LRFN4: variants seen among roughly 807,000 people sequenced by gnomAD.
LRFN4 encodes the protein leucine-rich repeat and fibronectin type-III domain-containing protein 4.
LRFN4 carries 10 observed loss-of-function variants against 29.0 expected under a neutral mutation model. The ratio of observed to expected loss-of-function variants is 0.35; its 90% CI spans 0.21 to 0.59. The LOEUF (loss-of-function observed/expected upper bound fraction) is 0.59, where lower values mean the gene tolerates loss of function less well. Among genes scored for constraint, LRFN4 ranks in the 20% least tolerant of loss-of-function variants. The probability of loss-of-function intolerance (pLI) is 0.82; values close to 1 mark genes in which losing one functional copy is unlikely to be tolerated. For synonymous variants in LRFN4, 493 were observed against 437.0 expected, an observed-to-expected ratio of 1.13 and a Z score of -1.60; for missense variants, 850 against 907.9, an observed-to-expected ratio of 0.94 and a Z score of 0.82.
chr11:66,860,378 G>T lies in LRFN4; in HGVS notation c.*183G>T, dbSNP rs748607301. ...GGCCTCCAGACCAGGGTAAGGGCAG[G>T]CCCCTCCAACAGGTGCTCACAGCCA... is the stretch of plus-strand genomic sequence containing the variant. On this transcript the variant is annotated 3_prime_UTR_variant, in exon 2 of 2. Coordinates refer to ENST00000309602, the MANE Select transcript of LRFN4 (RefSeq NM_024036.5). The T allele has an allele frequency of 4.5e-6, 4 of 894,542 alleles. No homozygotes were observed. Among genetic ancestry groups the T allele is most frequent in the Admixed American group, 2.0e-5 (1 of 50,160 alleles). 55.4% of individuals were successfully genotyped at this position (894,542 alleles called of 1,614,324 possible). A position where few individuals can be genotyped will look rare whatever the true frequency, so the allele number is the denominator to read the frequency against.
chr11:66,859,417 C>T (rs1946101790), intron 1 of LRFN4, among the ~76,000 whole-genome samples: 1 of 152,200 alleles, frequency 6.6e-6, no homozygotes, highest in South Asian at 2.1e-4. Flanking sequence ...TCTGCTGGTG[C>T]CATCCCCCCA....
In LRFN4 at chr11:66,857,132, C is replaced by T. The variant is rs958802546; in HGVS notation, c.-613C>T. ...CGCGCCGGGAAAAGGTGCCGGGAAC[C>T]GAGCGAGCCGGGGCCGCGGGCCCGA... On this transcript the variant is annotated 5_prime_UTR_variant, in exon 1 of 2. Transcript: ENST00000309602. The surrounding 1 kb of genome is among the most constrained non-coding windows in gnomAD (Gnocchi z 7.1). The T allele has an allele frequency of 1.4e-5, 2 of 148,048 alleles. No homozygotes were observed. The highest frequency in any genetic ancestry group is 1.3e-4 in the Admixed American group (2 of 14,900). 9.2% of individuals were successfully genotyped at this position (148,048 alleles called of 1,614,324 possible). A position where few individuals can be genotyped will look rare whatever the true frequency, so the allele number is the denominator to read the frequency against.
At position 66,859,091 on chromosome 11, in the gene LRFN4, C is replaced by A; in HGVS notation, c.1347C>A (p.Tyr449Ter). The A allele has an allele frequency of 1.3e-6, 2 of 1,486,610 alleles. No homozygotes were observed. Among genetic ancestry groups the A allele is most frequent in the South Asian group, 1.4e-5 (1 of 70,824 alleles). The allele number at this position is 1,486,610 out of a possible 1,614,324, so 92.1% of individuals were successfully genotyped here. ...YNSSEDETLI[Y>*]RIVPASSHHF... is the part of the protein sequence containing the mutation. The stretch of plus-strand genomic sequence containing the variant: ...GCAGCGAAGATGAGACCCTCATCTA[C>A]CGGTGAGGATGCGTGCCCCACACCC... The change falls in exon 1 of 2, where the codon TAC (tyrosine) becomes TAA (stop). Residue 449 changes from tyrosine (Y) to a stop codon, truncating the protein, a stop_gained and splice_region_variant. Transcript: ENST00000309602. LOFTEE classifies it high-confidence loss of function.
rs752420546 is a variant in LRFN4 at position 66,858,670 on chromosome 11, C to T, written c.926C>T (p.Ala309Val). The change falls in exon 1 of 2, where the codon GCG becomes GTG. Residue 309 changes from alanine (A) to valine (V), a missense_variant. Ala to Val is a moderately conservative substitution (Grantham distance 64). This residue lies in a region of LRFN4 where 744 missense variants were observed against 753.8 expected (regional missense o/e 0.99). Coordinates refer to ENST00000309602, the MANE Select transcript of LRFN4 (RefSeq NM_024036.5). The surrounding 1 kb of genome is among the most constrained non-coding windows in gnomAD (Gnocchi z 5.9). ...CGGTGCCGGGCCCTGGGTGACCCCG[C>T]GCCTACCATGCACTGGGTCGGTCCT... ...TLRCRALGDPAPTMHWVGPDD... is the reference protein window; with the variant it reads ...TLRCRALGDPVPTMHWVGPDD... 3.2e-6 allele frequency: 5 copies of T among 1,545,068 alleles called. No individual in the cohort carries two copies. The South Asian group carries it at 3.6e-5, about 11-fold the overall frequency.
rs755678453 is a variant in LRFN4, at chr11:66,857,831, G to A, written c.87G>A (p.Ser29=). ...GCGTCTGCCAGAACCTGTCCGAGTC[G>A]CTCAGCACCCTCTGTGCCCACCGAG... ...LPCVCQNLSE[S]LSTLCAHRGL... is the part of the protein sequence containing the mutation. Residue 29 remains serine, a synonymous_variant, in exon 1 of 2, where the codon TCG becomes TCA. Coordinates refer to ENST00000309602, the MANE Select transcript of LRFN4 (RefSeq NM_024036.5). This position sits in a 1 kb window ranked among gnomAD's most constrained non-coding sequence, Gnocchi z 7.1. 2 of 1,605,214 alleles carry A rather than the reference G, an allele frequency of 1.2e-6. No homozygotes were observed. Among genetic ancestry groups the A allele is most frequent in the Middle Eastern group, 1.7e-4 (1 of 6,060 alleles).
chr11:66,858,550 G>A lies in LRFN4; in HGVS notation c.806G>A (p.Trp269Ter). 1 of 1,533,774 alleles carries A rather than the reference G, an allele frequency of 6.5e-7. No individual in the cohort carries two copies. The highest frequency in any genetic ancestry group is 8.7e-7 in the Non-Finnish European group (1 of 1,145,048). The change falls in exon 1 of 2, where the codon TGG becomes TAG. Residue 269 changes from tryptophan (W) to a stop codon, truncating the protein, a stop_gained. Transcript: ENST00000309602. LOFTEE classifies it high-confidence loss of function. This position sits in a 1 kb window ranked among gnomAD's most constrained non-coding sequence, Gnocchi z 5.9. ...SPPGLAGRYFWAVPEGEFSCE... is the reference protein window; with the variant it reads ...SPPGLAGRYF ...CCCGGCCTGGCCGGCCGCTACTTCT[G>A]GGCAGTGCCCGAGGGCGAGTTCTCC...
chr11:66,858,421 C>G lies in LRFN4; in HGVS notation c.677C>G (p.Pro226Arg). The change falls in exon 1 of 2, where the codon CCC becomes CGC. Residue 226 changes from proline (P) to arginine (R), a missense_variant. By Grantham distance (103) the Pro-to-Arg change is moderately radical. Transcript: ENST00000309602. The surrounding 1 kb of genome is among the most constrained non-coding windows in gnomAD (Gnocchi z 5.9). ...RGRDAEASPAPLVLSFSGNPL... is the reference protein window; with the variant it reads ...RGRDAEASPARLVLSFSGNPL... Reference sequence around the variant, plus strand: ...CGTGATGCAGAGGCCTCTCCCGCCCCCCTGGTGCTGAGCTTTAGCGGGAAC... The same window carrying G: ...CGTGATGCAGAGGCCTCTCCCGCCCGCCTGGTGCTGAGCTTTAGCGGGAAC... 22 of 1,555,352 alleles carry G rather than the reference C, an allele frequency of 1.4e-5. No homozygotes were observed. Among genetic ancestry groups the G allele is most frequent in the Non-Finnish European group, 1.8e-5 (21 of 1,156,472 alleles).
chr11:66,859,173 AC>A (rs1007082432), intron 1 of LRFN4, 80 bp downstream of exon 1: 1 of 1,410,814 alleles, frequency 7.1e-7, no homozygotes, highest in African/African-American at 1.5e-5. Flanking sequence ...CTTTGCTTCC[AC>A]CCCTCCTCTC....
Position 66,860,212 on chromosome 11 carries a change from T to C in LRFN4, c.*17T>C, listed in dbSNP as rs1025184800. On this transcript the variant is annotated 3_prime_UTR_variant, in exon 2 of 2. Transcript: ENST00000309602. ...GTGGTGTGATGGACGGGCAGCTTCC[T>C]GTGTGCTCCAAGGGATGAGCCTCGT... 4 of 1,541,452 alleles carry C rather than the reference T, an allele frequency of 2.6e-6. No homozygotes were observed. Among genetic ancestry groups the C allele is most frequent in the African/African-American group, 1.4e-5 (1 of 73,190 alleles).
At position 66,858,800 on chromosome 11, in the gene LRFN4, C is replaced by T. The variant is rs765027667; in HGVS notation, c.1056C>T (p.Ile352=). Residue 352 remains isoleucine, a synonymous_variant, in exon 1 of 2, where the codon ATC becomes ATT. Transcript: ENST00000309602. This position sits in a 1 kb window ranked among gnomAD's most constrained non-coding sequence, Gnocchi z 5.9. The part of the protein sequence containing the change: ...GAGDAGGYTC[I]ATNPAGEATA... Reference sequence around the variant, plus strand: ...GGGACGCTGGGGGCTACACCTGCATCGCCACCAACCCTGCTGGTGAGGCCA... The same window carrying T: ...GGGACGCTGGGGGCTACACCTGCATTGCCACCAACCCTGCTGGTGAGGCCA... The T allele has an allele frequency of 9.0e-6, 14 of 1,549,250 alleles. No individual in the cohort carries two copies. The highest frequency in any genetic ancestry group is 3.3e-4 in the Middle Eastern group (2 of 6,002).
At chr11:66,859,488 C>A in intron 1 of LRFN4, 149 bp from the exon 2 acceptor site, 1 of 1,452,712 alleles carries the variant, frequency 6.9e-7, no homozygotes, top group Non-Finnish European at 9.1e-7. Context: ...CCTGGCCACA[C>A]TCTCCAGCCT....
Position 66,858,480 on chromosome 11 carries a change from C to T in LRFN4, c.736C>T (p.Arg246Trp), listed in dbSNP as rs1368244640. The change falls in exon 1 of 2, where the codon CGG becomes TGG. Residue 246 changes from arginine (R) to tryptophan (W), a missense_variant. Around this residue, in one of 2 missense-constraint regions of LRFN4, gnomAD observed 744 missense variants for 753.8 expected, o/e 0.99. Transcript: ENST00000309602. The surrounding 1 kb of genome is among the most constrained non-coding windows in gnomAD (Gnocchi z 5.9). ...LHCNCELLWL[R>W]RLARPDDLET... Reference sequence around the variant, plus strand: ...CTGCAACTGTGAGCTGCTGTGGCTGCGGCGGCTGGCGCGGCCGGACGACCT... The same window carrying T: ...CTGCAACTGTGAGCTGCTGTGGCTGTGGCGGCTGGCGCGGCCGGACGACCT... 5 of 1,541,956 alleles carry T rather than the reference C, an allele frequency of 3.2e-6. No individual in the cohort carries two copies. The highest frequency in any genetic ancestry group is 8.7e-7 in the Non-Finnish European group (1 of 1,150,262).
Position 66,859,406 on chromosome 11 carries a change from C to T in LRFN4, c.1350-231C>T, listed in dbSNP as rs1946101081. On this transcript the variant is annotated intron_variant, in intron 1 of 1. Transcript: ENST00000309602. ...GCCCGCGCCCGCGTGTTATTTCTGC[C>T]TCTGCTGGTGCCATCCCCCCACCCC... 2.6e-5 allele frequency among the ~76,000 whole-genome samples: 4 copies of T among 152,328 alleles called. No individual in the cohort carries two copies. In the South Asian group the frequency reaches 8.3e-4, roughly 32 times the overall value.
chr11:66,859,208 G>C, intron 1 of LRFN4, 115 bp downstream of exon 1: 1 of 1,293,900 alleles, frequency 7.7e-7, no homozygotes, highest in Non-Finnish European at 1.0e-6. Flanking sequence ...CCCCCTCCCC[G>C]ACCATGGCTG....
rs199739517 is a variant in LRFN4, at chr11:66,858,767, C to T, written c.1023C>T (p.Thr341=). ...ACGGGACCTTAGAGATTGGGGTGACCGGCGCTGGGGACGCTGGGGGCTACA... is the reference window on the plus strand; with the variant it reads ...ACGGGACCTTAGAGATTGGGGTGACTGGCGCTGGGGACGCTGGGGGCTACA... ...FPNGTLEIGV[T]GAGDAGGYTC... is the part of the protein sequence containing the mutation. Residue 341 remains threonine (T), a synonymous_variant, in exon 1 of 2, where the codon ACC becomes ACT. Transcript: ENST00000309602. The surrounding 1 kb of genome is among the most constrained non-coding windows in gnomAD (Gnocchi z 5.9). 2.6e-5 allele frequency: 40 copies of T among 1,551,226 alleles called. No individual in the cohort carries two copies. Among genetic ancestry groups the T allele is most frequent in the African/African-American group, 2.2e-4 (16 of 73,368 alleles).
intron 1 of LRFN4, 150 bp from the exon 2 acceptor site, chr11:66,859,487 A>G (rs1565227736): frequency 3.5e-6 from 5 of 1,446,098 alleles, no homozygotes; most frequent in East Asian, 4.8e-5. Flanking sequence ...TCCTGGCCAC[A>G]CTCTCCAGCC....
In LRFN4 at chr11:66,857,836, G is replaced by A; in HGVS notation, c.92G>A (p.Ser31Asn). ...CVCQNLSESLSTLCAHRGLLF... is the reference protein window; with the variant it reads ...CVCQNLSESLNTLCAHRGLLF... ...TGCCAGAACCTGTCCGAGTCGCTCA[G>A]CACCCTCTGTGCCCACCGAGGCCTG... The change falls in exon 1 of 2, where the codon AGC (serine) becomes AAC (asparagine). Residue 31 changes from serine (S) to asparagine (N), a missense_variant. By Grantham distance (46) the Ser-to-Asn change is conservative (BLOSUM62 1). This residue lies in a region of LRFN4 where 106 missense variants were observed against 154.2 expected (regional missense o/e 0.69). Coordinates refer to ENST00000309602, the MANE Select transcript of LRFN4 (RefSeq NM_024036.5). This position sits in a 1 kb window ranked among gnomAD's most constrained non-coding sequence, Gnocchi z 7.1. 6.2e-7 allele frequency: 1 copy of A among 1,606,266 alleles called. No individual in the cohort carries two copies. The highest frequency in any genetic ancestry group is 8.5e-7 in the Non-Finnish European group (1 of 1,179,846).
rs1413422491 is a variant in LRFN4 at position 66,857,136 on chromosome 11, C to A, written c.-609C>A. The A allele has an allele frequency of 6.8e-6, 1 of 148,020 alleles. No individual in the cohort carries two copies. The highest frequency in any genetic ancestry group is 2.4e-5 in the African/African-American group (1 of 40,928). The allele number at this position is 148,020 out of a possible 1,614,324, so 9.2% of individuals were successfully genotyped here. ...CCGGGAAAAGGTGCCGGGAACCGAG[C>A]GAGCCGGGGCCGCGGGCCCGAGCGC... On this transcript the variant is annotated 5_prime_UTR_variant, in exon 1 of 2. Coordinates refer to ENST00000309602, the MANE Select transcript of LRFN4 (RefSeq NM_024036.5). The surrounding 1 kb of genome is among the most constrained non-coding windows in gnomAD (Gnocchi z 7.1).
Position 66,860,315 on chromosome 11 carries a change from G to A in LRFN4, c.*120G>A, listed in dbSNP as rs1051798895. On this transcript the variant is annotated 3_prime_UTR_variant, in exon 2 of 2. Transcript: ENST00000309602. ...TATTCTCAGTACCTCAGGCTCCCCT[G>A]TGTACTTGGAGGGGCAGGGAGCCCT... 2 of 1,400,906 alleles carry A rather than the reference G, an allele frequency of 1.4e-6. No individual in the cohort carries two copies. Among genetic ancestry groups the A allele is most frequent in the South Asian group, 2.5e-5 (2 of 81,422 alleles). The allele number at this position is 1,400,906 out of a possible 1,614,324, so 86.8% of individuals were successfully genotyped here.
Sources: gnomAD v4.1 joint callset for allele counts (sites outside exome capture counted in the v4.1 genomes callset) on GRCh38, gnomAD v4.1.1 for gene constraint, gnomAD v4.1.1 regional missense constraint, Gnocchi (gnomAD v3.1) non-coding constraint, MANE v1.5 for transcripts, NCBI Gene and HGNC (gene_info 2026-07-23, HGNC 2026-07-21) for gene names.